The following PSTPIP2 variants were observed in gnomAD, a reference collection of about 807,000 sequenced individuals.
PSTPIP2 encodes the protein proline-serine-threonine phosphatase interacting protein 2.
Under a neutral mutation model 63.3 loss-of-function variants are expected in PSTPIP2, and 33 were observed. The ratio of observed to expected loss-of-function variants is 0.52; its 90% CI spans 0.40 to 0.70. The LOEUF is 0.70. PSTPIP2 is among the 30% of genes least tolerant of loss of function. The pLI is 0.00. For synonymous variants in PSTPIP2, 125 were observed against 132.7 expected (o/e 0.94, Z 0.40); for missense variants, 312 against 400.7 (o/e 0.78, Z 1.89).
chr18:46,071,745 G>A lies in PSTPIP2; in HGVS notation c.33+411C>T, dbSNP rs1909400323. Among the ~76,000 whole-genome samples, 3 of 152,254 alleles carry A rather than the reference G, an allele frequency of 2.0e-5. No individual in the cohort carries two copies. The South Asian group carries it at 6.2e-4, about 31-fold the overall frequency. On this transcript the variant is annotated intron_variant, in intron 1 of 14. Transcript: ENST00000409746. ...CGGCTCAGCTCCAGGGACCGGCAGA[G>A]ACTCTCCCCGGACGGGTCTCGCCTC...
intron 4 of PSTPIP2, among the ~76,000 whole-genome samples, chr18:46,012,610 A>T (rs1357136127): frequency 2.0e-5 from 3 of 152,172 alleles, no homozygotes; most frequent in African/African-American, 7.2e-5. Context: ...CGTCTCTACT[A>T]AAAATACAAA....
At chr18:46,042,612 G>A (rs1471220328) in intron 1 of PSTPIP2, among the ~76,000 whole-genome samples, 2 of 152,176 alleles carry the variant, frequency 1.3e-5, no homozygotes, top group Non-Finnish European at 2.9e-5. Context: ...TCTGGAGAAT[G>A]AAAAGGCCTA....
chr18:46,072,165 T>C lies in PSTPIP2; in HGVS notation c.24A>G (p.Gly8=), dbSNP rs1222515403. 4 of 1,535,418 alleles carry C rather than the reference T, an allele frequency of 2.6e-6. No individual in the cohort carries two copies. The highest frequency in any genetic ancestry group is 3.5e-6 in the Non-Finnish European group (4 of 1,141,204). ...CGGCCCCACGACTTACCCAAAAGTTTCCCTTGAACAGTGAGCGCGTCATCG... is the reference window on the plus strand; with the variant it reads ...CGGCCCCACGACTTACCCAAAAGTTCCCCTTGAACAGTGAGCGCGTCATCG... MTRSLFK[G]NFWSADILST... Residue 8 remains glycine, a synonymous_variant, in exon 1 of 15, where the codon GGA becomes GGG. Transcript: ENST00000409746.
chr18:46,035,052 T>C (rs1414838204), intron 2 of PSTPIP2, among the ~76,000 whole-genome samples: 1 of 152,108 alleles, frequency 6.6e-6, no homozygotes, highest in Non-Finnish European at 1.5e-5. Flanking sequence ...GGGCTACCAG[T>C]GACAAGATGG....
chr18:46,072,105 G>T (rs1169379212), intron 1 of PSTPIP2, 51 bp downstream of exon 1: 18 of 1,513,228 alleles, frequency 1.2e-5, no homozygotes, highest in Non-Finnish European at 1.6e-5. Context: ...TTGGCCTCCC[G>T]CCCGGGCCGG....
chr18:46,065,151 A>AT, intron 1 of PSTPIP2, among the ~76,000 whole-genome samples: 1 of 150,516 alleles, frequency 6.6e-6, no homozygotes, highest in South Asian at 2.1e-4. Flanking sequence ...TCTCAAAAAA[A>AT]AAAAAAAAAA....
chr18:46,049,766 G>C (rs1908523392), intron 1 of PSTPIP2, among the ~76,000 whole-genome samples: 1 of 152,210 alleles, frequency 6.6e-6, no homozygotes, highest in African/African-American at 2.4e-5. Context: ...TGTAATCCCA[G>C]TTACTTGGGA....
intron 5 of PSTPIP2, 84 bp downstream of exon 5, chr18:46,011,097 T>G: frequency 8.0e-6 from 9 of 1,125,652 alleles, no homozygotes; most frequent in Non-Finnish European, 1.2e-5. Context: ...TGGTGGGAGC[T>G]GAGCTGAGGA....
chr18:46,053,783 A>T (rs533778623), intron 1 of PSTPIP2, among the ~76,000 whole-genome samples: 21 of 152,236 alleles, frequency 1.4e-4, no homozygotes, highest in Non-Finnish European at 2.2e-4. Context: ...TTAATCAATG[A>T]TAAGAAGAAA....
intron 2 of PSTPIP2, chr18:46,028,252 C>A: frequency 2.5e-6 from 1 of 406,210 alleles, no homozygotes; most frequent in Non-Finnish European, 4.8e-6. Context: ...ACTGAGGAGC[C>A]GAATGAAACT....
chr18:45,993,454 A>T, intron 10 of PSTPIP2, 151 bp downstream of exon 10: 2 of 655,454 alleles, frequency 3.1e-6, no homozygotes, highest in Non-Finnish European at 5.3e-6. Context: ...GTTACATGTT[A>T]TCTGCATCCT....
intron 1 of PSTPIP2, among the ~76,000 whole-genome samples, chr18:46,051,633 T>C (rs903062317): frequency 1.3e-5 from 2 of 152,162 alleles, no homozygotes; most frequent in Non-Finnish European, 2.9e-5. Flanking sequence ...TGGTTAATGT[T>C]TGACATTACC....
At chr18:45,985,772 T>C (rs56663039) in intron 14 of PSTPIP2, among the ~76,000 whole-genome samples, 37,828 of 151,466 alleles carry the variant, frequency 0.25, 7,008 homozygotes, top group African/African-American at 0.51. Context: ...CTAACTCTTC[T>C]TGTTTAAATT....
chr18:46,010,928 G>A (rs933264401), intron 5 of PSTPIP2: 16 of 403,154 alleles, frequency 4.0e-5, no homozygotes, highest in Admixed American at 7.6e-5. Context: ...TCTGAATAGC[G>A]GCAGCAGACC....
chr18:46,044,778 C>A (rs1055532890), intron 1 of PSTPIP2, among the ~76,000 whole-genome samples: 7 of 152,118 alleles, frequency 4.6e-5, no homozygotes, highest in African/African-American at 1.7e-4. Context: ...GGGCTAATAT[C>A]CAGAATCTAC....
At chr18:46,015,744 C>A (rs2051846235) in intron 4 of PSTPIP2, among the ~76,000 whole-genome samples, 159 bp downstream of exon 4, 1 of 152,122 alleles carries the variant, frequency 6.6e-6, no homozygotes, top group South Asian at 2.1e-4. Flanking sequence ...GGTTCTCCAG[C>A]TCATTTCGAG....
At chr18:46,057,500 T>C (rs1459550247) in intron 1 of PSTPIP2, among the ~76,000 whole-genome samples, 1 of 151,708 alleles carries the variant, frequency 6.6e-6, no homozygotes, top group Non-Finnish European at 1.5e-5. Context: ...TCTAATTGTT[T>C]TGTATTTTTA....
At chr18:46,038,651 T>C (rs984396154) in intron 2 of PSTPIP2, among the ~76,000 whole-genome samples, 2 of 152,154 alleles carry the variant, frequency 1.3e-5, no homozygotes, top group African/African-American at 4.8e-5. Flanking sequence ...CTGTCAACCA[T>C]CTTGGGTAGA....
intron 14 of PSTPIP2, among the ~76,000 whole-genome samples, chr18:45,988,119 A>G (rs2051486131): frequency 6.6e-6 from 1 of 152,186 alleles, no homozygotes; most frequent in Non-Finnish European, 1.5e-5. Flanking sequence ...TGTAATAACT[A>G]TAAAAGAGCT....
Sources: gnomAD v4.1 joint callset for allele counts (sites outside exome capture counted in the v4.1 genomes callset) on GRCh38, gnomAD v4.1.1 for gene constraint, MANE v1.5 for transcripts, NCBI Gene and HGNC (gene_info 2026-07-23, HGNC 2026-07-21) for gene names.